The following ARHGAP18 variants were observed in gnomAD, a reference collection of about 807,000 sequenced individuals.
ARHGAP18 encodes the protein Rho GTPase activating protein 18, also known as rho GTPase-activating protein 18.
A neutral mutation model predicts 86.2 loss-of-function variants in ARHGAP18; 67 were observed. The ratio of observed to expected loss-of-function variants is 0.78; its 90% CI spans 0.64 to 0.95. The LOEUF is 0.95. ARHGAP18 is among the 40% of genes least tolerant of loss of function. ARHGAP18 has a pLI of 0.00. For synonymous variants in ARHGAP18, 283 were observed against 280.4 expected (o/e 1.01, Z -0.09); for missense variants, 691 against 780.4 (o/e 0.89, Z 1.37).
chr6:129,668,827 A>C (rs1562718504), intron 1 of ARHGAP18, among the ~76,000 whole-genome samples: 1 of 152,046 alleles, frequency 6.6e-6, no homozygotes, highest in Admixed American at 6.5e-5. Flanking sequence ...TTATGATGAG[A>C]CCCCTTTAGT....
At chr6:129,672,606 T>A (rs1774159230) in intron 1 of ARHGAP18, among the ~76,000 whole-genome samples, 1 of 152,208 alleles carries the variant, frequency 6.6e-6, no homozygotes, top group South Asian at 2.1e-4. Flanking sequence ...GTAGTTCTAG[T>A]TGTTTAAACA....
chr6:129,682,552 C>G (rs1040367958), intron 1 of ARHGAP18, among the ~76,000 whole-genome samples: 3 of 152,320 alleles, frequency 2.0e-5, no homozygotes, highest in Non-Finnish European at 4.4e-5. Flanking sequence ...GAAACACAGA[C>G]TTCTGACATT....
chr6:129,685,908 C>T (rs867433913), intron 1 of ARHGAP18, among the ~76,000 whole-genome samples: 2 of 152,294 alleles, frequency 1.3e-5, no homozygotes, highest in African/African-American at 4.8e-5. Flanking sequence ...TTTGCAACAA[C>T]CCTGCCTGTA....
intron 1 of ARHGAP18, among the ~76,000 whole-genome samples, chr6:129,694,831 G>A (rs1170208824): frequency 2.0e-5 from 3 of 152,112 alleles, no homozygotes; most frequent in Non-Finnish European, 4.4e-5. Flanking sequence ...AAAATGTTTT[G>A]CTGAAAGACT....
intron 1 of ARHGAP18, among the ~76,000 whole-genome samples, chr6:129,667,712 G>A (rs1382835894): frequency 6.6e-6 from 1 of 151,970 alleles, no homozygotes; most frequent in Non-Finnish European, 1.5e-5. Flanking sequence ...TGGAGGGCAA[G>A]GAGAAACTGA....
intron 12 of ARHGAP18, among the ~76,000 whole-genome samples, chr6:129,585,108 T>C (rs568560638): frequency 1.4e-4 from 21 of 150,812 alleles, no homozygotes; most frequent in Admixed American, 9.3e-4. Context: ...CTGGCCAACA[T>C]GGCGAAACCC....
At chr6:129,640,968 C>T (rs1773451470) in intron 2 of ARHGAP18, among the ~76,000 whole-genome samples, 1 of 152,058 alleles carries the variant, frequency 6.6e-6, no homozygotes, top group Admixed American at 6.6e-5. Flanking sequence ...CATGTTTCTC[C>T]CAGAATATCA....
chr6:129,606,496 A>G (rs1458632963), intron 9 of ARHGAP18, among the ~76,000 whole-genome samples: 2 of 150,626 alleles, frequency 1.3e-5, no homozygotes, highest in Admixed American at 6.6e-5. Context: ...GTGCATTATT[A>G]TCATTGATGT....
At chr6:129,692,852 T>C (rs1227480649) in intron 1 of ARHGAP18, among the ~76,000 whole-genome samples, 8 of 152,200 alleles carry the variant, frequency 5.3e-5, no homozygotes, top group Admixed American at 2.6e-4. Flanking sequence ...TTGGCTAATA[T>C]TTATAAACCA....
intron 12 of ARHGAP18, among the ~76,000 whole-genome samples, chr6:129,591,337 T>G (rs1788508336): frequency 6.6e-6 from 1 of 152,180 alleles, no homozygotes. Flanking sequence ...CTGCTTTTTT[T>G]TCCCATTGAG....
intron 14 of ARHGAP18, among the ~76,000 whole-genome samples, chr6:129,579,636 T>C (rs1562674135): frequency 6.6e-6 from 1 of 152,216 alleles, no homozygotes; most frequent in East Asian, 1.9e-4. Context: ...TGTGCATGTG[T>C]ATAAAATTTA....
intron 5 of ARHGAP18, 116 bp from the exon 6 acceptor site, chr6:129,618,968 G>T: frequency 1.1e-6 from 1 of 928,088 alleles, no homozygotes; most frequent in Non-Finnish European, 1.6e-6. Context: ...GATAAGAAAA[G>T]CCACAGAATT....
At chr6:129,665,099 T>C (rs1240997335) in intron 1 of ARHGAP18, among the ~76,000 whole-genome samples, 1 of 152,234 alleles carries the variant, frequency 6.6e-6, no homozygotes, top group African/African-American at 2.4e-5. Context: ...CACCTCTTCA[T>C]TCCCCACTTT....
At chr6:129,606,040 A>T in intron 9 of ARHGAP18, 81 bp from the exon 10 acceptor site, 1 of 1,377,910 alleles carries the variant, frequency 7.3e-7, no homozygotes, top group Non-Finnish European at 1.0e-6. Context: ...TTTTAAGAAA[A>T]AAGTTATTTG....
chr6:129,675,282 G>C (rs1774209831), intron 1 of ARHGAP18, among the ~76,000 whole-genome samples: 1 of 151,764 alleles, frequency 6.6e-6, no homozygotes, highest in Admixed American at 6.6e-5. Flanking sequence ...GTGGCGGGAG[G>C]CTGAGGCAGG....
chr6:129,658,732 G>C (rs1040253267), intron 1 of ARHGAP18, among the ~76,000 whole-genome samples: 4 of 152,190 alleles, frequency 2.6e-5, no homozygotes, highest in African/African-American at 9.6e-5. Flanking sequence ...AGAATCAAGA[G>C]AATCATCTCA....
chr6:129,679,097 C>G (rs1374214355), intron 1 of ARHGAP18, among the ~76,000 whole-genome samples: 1 of 152,156 alleles, frequency 6.6e-6, no homozygotes, highest in African/African-American at 2.4e-5. Flanking sequence ...ATACTGTAGG[C>G]ATAGGATCCA....
intron 1 of ARHGAP18, among the ~76,000 whole-genome samples, chr6:129,685,823 T>C (rs1774414719): frequency 6.6e-6 from 1 of 152,166 alleles, no homozygotes. Flanking sequence ...TAGTTAATAC[T>C]TGAGTTCCCA....
At chr6:129,612,477 C>G (rs551114984) in intron 7 of ARHGAP18, among the ~76,000 whole-genome samples, 32 of 152,190 alleles carry the variant, frequency 2.1e-4, no homozygotes, top group African/African-American at 4.1e-4. Flanking sequence ...TTATAAAAGA[C>G]AGACCTATTC....
Sources: allele counts gnomAD v4.1 joint callset (sites outside exome capture counted in the v4.1 genomes callset), GRCh38; gene constraint gnomAD v4.1.1; transcripts MANE v1.5; gene names NCBI Gene and HGNC (gene_info 2026-07-23, HGNC 2026-07-21).